The following RXRA variants were observed in gnomAD, a reference collection of about 807,000 sequenced individuals.
RXRA encodes retinoid X receptor alpha.
In RXRA, 5 loss-of-function variants were observed where a neutral mutation model predicts 44.5. The ratio of observed to expected loss-of-function variants is 0.11; its 90% confidence interval spans 0.06 to 0.24. The LOEUF (loss-of-function observed/expected upper bound fraction) is 0.24, where lower values mean the gene tolerates loss of function less well. Ranked by LOEUF, RXRA falls within the 10% of genes least tolerant of loss-of-function variation. The probability of loss-of-function intolerance (pLI) is 1.00; values close to 1 mark genes in which losing one functional copy is unlikely to be tolerated. For synonymous variants in RXRA, 291 were observed against 271.4 expected, an observed-to-expected ratio of 1.07 and a Z score of -0.71; for missense variants, 412 against 646.5, an observed-to-expected ratio of 0.64 and a Z score of 3.93.
chr9:134,422,338 T>A (rs1299042265), intron 6 of RXRA: 17 of 1,275,976 alleles, frequency 1.3e-5, no homozygotes, highest in African/African-American at 3.2e-5. Context: ...CCTGGGACAC[T>A]ACCCCCTCCC....
intron 1 of RXRA, among the ~76,000 whole-genome samples, chr9:134,371,101 C>G (rs994967646): frequency 2.0e-5 from 3 of 152,106 alleles, no homozygotes; most frequent in African/African-American, 7.2e-5. Context: ...AAGAGAGTGC[C>G]CTGGAGAGGG....
At chr9:134,358,890 C>CT (rs1231300417) in intron 1 of RXRA, among the ~76,000 whole-genome samples, 3 of 152,202 alleles carry the variant, frequency 2.0e-5, no homozygotes, top group Non-Finnish European at 4.4e-5. Context: ...GGGCCTGCTG[C>CT]TGGGCTCAGG....
In RXRA at chr9:134,407,265, G is replaced by A. The variant is rs1831066789; in HGVS notation, c.280-884G>A. Among the ~76,000 whole-genome samples, 1 of 152,240 alleles carries A rather than the reference G, an allele frequency of 6.6e-6. No individual in the cohort carries two copies. Among genetic ancestry groups the A allele is most frequent in the Non-Finnish European group, 1.5e-5 (1 of 68,034 alleles). On this transcript the variant is annotated intron_variant, in intron 2 of 9. Coordinates refer to ENST00000481739, the MANE Select transcript of RXRA (RefSeq NM_002957.6). The surrounding 1 kb of genome is among the most constrained non-coding windows in gnomAD (Gnocchi z 4.8). Reference sequence around the variant, plus strand: ...GGGGGGATGGGATTTGGAGGCCTGAGGAAGGAAGGAGGGGAGCTTCCTGCG... The same window carrying A: ...GGGGGGATGGGATTTGGAGGCCTGAAGAAGGAAGGAGGGGAGCTTCCTGCG...
intron 1 of RXRA, among the ~76,000 whole-genome samples, chr9:134,368,076 C>G (rs992364707): frequency 6.6e-6 from 1 of 152,244 alleles, no homozygotes; most frequent in Non-Finnish European, 1.5e-5. Flanking sequence ...CAGGAGCCTG[C>G]GGCAGCGGGC....
intron 6 of RXRA, among the ~76,000 whole-genome samples, chr9:134,427,798 A>T (rs1831459490): frequency 6.6e-6 from 1 of 152,208 alleles, no homozygotes; most frequent in African/African-American, 2.4e-5. Context: ...CCCTCTGTAA[A>T]ACAAAGTTAA....
At chr9:134,390,240 G>T (rs1830780198) in intron 1 of RXRA, among the ~76,000 whole-genome samples, 1 of 152,198 alleles carries the variant, frequency 6.6e-6, no homozygotes, top group Non-Finnish European at 1.5e-5. Context: ...AGGGGCCCGG[G>T]TGCCCCTAGA....
intron 1 of RXRA, among the ~76,000 whole-genome samples, chr9:134,338,961 AT>A (rs1185762350): frequency 6.6e-6 from 1 of 152,114 alleles, no homozygotes; most frequent in Non-Finnish European, 1.5e-5. Flanking sequence ...CAAGGAGCCG[AT>A]TGTTGTCACC....
chr9:134,411,754 G>A (rs139256349), intron 4 of RXRA, among the ~76,000 whole-genome samples: 99 of 152,346 alleles, frequency 6.5e-4, no homozygotes, highest in Admixed American at 1.7e-3. Context: ...CGGTGTGGAG[G>A]GCACCTCTGC....
At chr9:134,351,779 G>T (rs1259823585) in intron 1 of RXRA, among the ~76,000 whole-genome samples, 1 of 152,226 alleles carries the variant, frequency 6.6e-6, no homozygotes, top group Non-Finnish European at 1.5e-5. Context: ...CCATCAGAAC[G>T]CGAGGTGAAT....
intron 1 of RXRA, among the ~76,000 whole-genome samples, chr9:134,348,557 A>G (rs1830182606): frequency 6.6e-6 from 1 of 152,018 alleles, no homozygotes; most frequent in Non-Finnish European, 1.5e-5. Flanking sequence ...ATCCCGGGGG[A>G]CGCAGGTGGC....
chr9:134,355,662 A>G (rs1830274559), intron 1 of RXRA, among the ~76,000 whole-genome samples: 1 of 152,064 alleles, frequency 6.6e-6, no homozygotes, highest in African/African-American at 2.4e-5. Context: ...CTGAGGACCC[A>G]GAGGCCGGGG....
At chr9:134,419,007 G>C (rs1376191485) in intron 5 of RXRA, among the ~76,000 whole-genome samples, 3 of 152,214 alleles carry the variant, frequency 2.0e-5, no homozygotes, top group Admixed American at 6.5e-5. Context: ...CACGTCCCCG[G>C]CTCTGCTCAG....
chr9:134,410,498 TACCCAGCCTGGAGAGGTGTGG>T (rs1831130696), intron 4 of RXRA, among the ~76,000 whole-genome samples: 1 of 152,252 alleles, frequency 6.6e-6, no homozygotes, highest in East Asian at 1.9e-4. Context: ...GAGAGGTGTG[TACCCAGCCTGGAGAGGTGTGG>T]ACCCAGTCTG....
At chr9:134,384,564 C>T (rs1038375056) in intron 1 of RXRA, among the ~76,000 whole-genome samples, 4 of 152,130 alleles carry the variant, frequency 2.6e-5, no homozygotes, top group African/African-American at 7.2e-5. Context: ...CTGCCCTGGG[C>T]CCCTCAGCCG....
intron 6 of RXRA, chr9:134,423,441 A>G: frequency 1.3e-5 from 13 of 985,458 alleles, no homozygotes; most frequent in Non-Finnish European, 1.6e-5. Context: ...ACACAGCCAG[A>G]GACGGGCTCC....
intron 1 of RXRA, among the ~76,000 whole-genome samples, chr9:134,370,400 G>A (rs977526912): frequency 6.6e-6 from 1 of 152,232 alleles, no homozygotes; most frequent in Non-Finnish European, 1.5e-5. Flanking sequence ...TCTGGTCCCT[G>A]TGTGCAGACG....
chr9:134,342,667 C>G lies in RXRA; in HGVS notation c.28+16008C>G, dbSNP rs1215076148. Among the ~76,000 whole-genome samples, 4 of 152,128 alleles carry G rather than the reference C, an allele frequency of 2.6e-5. No individual in the cohort carries two copies. Among genetic ancestry groups the G allele is most frequent in the African/African-American group, 4.8e-5 (2 of 41,418 alleles). ...CTGCGGGAGGAGGCCCCTGTGGTTC[C>G]CACAGGGCCATGTGTGGTCTCCAGG... On this transcript the variant is annotated intron_variant, in intron 1 of 9. Coordinates refer to ENST00000481739, the MANE Select transcript of RXRA (RefSeq NM_002957.6). This position sits in a 1 kb window ranked among gnomAD's most constrained non-coding sequence, Gnocchi z 4.4.
At chr9:134,393,409 T>G (rs376150240) in intron 1 of RXRA, among the ~76,000 whole-genome samples, 59 of 152,292 alleles carry the variant, frequency 3.9e-4, no homozygotes, top group African/African-American at 1.3e-3. Context: ...TGGGGCTGTT[T>G]CCTCTTCTGA....
At chr9:134,380,220 C>T (rs1273113266) in intron 1 of RXRA, 58 of 977,358 alleles carry the variant, frequency 5.9e-5, no homozygotes, top group South Asian at 2.8e-4. Flanking sequence ...GTGCCGGCCC[C>T]GTGAGTCACG....
Sources: gnomAD v4.1 joint callset for allele counts (sites outside exome capture counted in the v4.1 genomes callset) on GRCh38, gnomAD v4.1.1 for gene constraint, Gnocchi (gnomAD v3.1) non-coding constraint, MANE v1.5 for transcripts, NCBI Gene and HGNC (gene_info 2026-07-23, HGNC 2026-07-21) for gene names.